CTXND1: variants seen among roughly 807,000 people sequenced by gnomAD.
CTXND1 encodes cortexin domain containing 1, also known as cortexin domain-containing 1 protein.
intron 1 of CTXND1, among the ~76,000 whole-genome samples, chr15:80,211,059 T>C (rs1893199130): frequency 6.6e-6 from 1 of 152,188 alleles, no homozygotes; most frequent in African/African-American, 2.4e-5. Flanking sequence ...GGGAACAAAA[T>C]TCGGTCCATA....
rs1324983142 is a variant in CTXND1, at chr15:80,201,280, C to G, written c.*490G>C. The stretch of plus-strand genomic sequence containing the variant: ...GAGACTCCCTCAACCCGCTTTCCCC[C>G]CTCACTGCCACACCACTGCTAGTCC... On this transcript the variant is annotated 3_prime_UTR_variant, in exon 3 of 3. Transcript: ENST00000560778. The G allele has an allele frequency of 6.5e-6, 1 of 152,864 alleles. No individual in the cohort carries two copies. The highest frequency in any genetic ancestry group is 2.4e-5 in the African/African-American group (1 of 41,466). The allele number at this position is 152,864 out of a possible 1,614,324, so 9.5% of individuals were successfully genotyped here.
chr15:80,225,039 G>A (rs557067096), intron 1 of CTXND1, among the ~76,000 whole-genome samples: 3 of 152,300 alleles, frequency 2.0e-5, no homozygotes, highest in East Asian at 1.9e-4. Context: ...CACCATGCCC[G>A]GCCTTCTGAA....
rs1361718409 is a variant in CTXND1 at position 80,198,389 on chromosome 15, C to G, written c.*3381G>C. On this transcript the variant is annotated 3_prime_UTR_variant, in exon 3 of 3. Coordinates refer to ENST00000560778, the MANE Select transcript of CTXND1 (RefSeq NM_001352888.2). ...AAGTCCTGGGTTGTGGCTACCTTCA[C>G]AGGCCTCCCATTCTCTAAATGCTTT... 6.6e-6 allele frequency: 1 copy of G among 152,264 alleles called. No individual in the cohort carries two copies. Among genetic ancestry groups the G allele is most frequent in the Non-Finnish European group, 1.5e-5 (1 of 68,056 alleles). The allele number at this position is 152,264 out of a possible 1,614,324, so 9.4% of individuals were successfully genotyped here. A position where few individuals can be genotyped will look rare whatever the true frequency, so the allele number is the denominator to read the frequency against.
chr15:80,226,532 C>T (rs1255214068), intron 1 of CTXND1, among the ~76,000 whole-genome samples: 1 of 152,180 alleles, frequency 6.6e-6, no homozygotes, highest in Non-Finnish European at 1.5e-5. Flanking sequence ...AGTCAGTCCA[C>T]TCATGAAGCC....
chr15:80,232,346 G>A (rs549625215), intron 1 of CTXND1, among the ~76,000 whole-genome samples: 1 of 152,254 alleles, frequency 6.6e-6, no homozygotes, highest in East Asian at 1.9e-4. Flanking sequence ...GATCAGACTC[G>A]TGGCCAAAGA....
chr15:80,248,385 C>T (rs183574568), intron 1 of CTXND1, among the ~76,000 whole-genome samples: 2 of 152,006 alleles, frequency 1.3e-5, no homozygotes, highest in East Asian at 1.9e-4. Flanking sequence ...GGAGACGCAG[C>T]GGAAAGGGTA....
At chr15:80,204,169 A>AAAAAATATAT (rs1555443860) in intron 1 of CTXND1, among the ~76,000 whole-genome samples, 2 of 65,186 alleles carry the variant, frequency 3.1e-5, no homozygotes, top group African/African-American at 1.5e-4. Flanking sequence ...AAAAAAAAAA[A>AAAAAATATAT]ATATATATAT....
At chr15:80,234,564 A>C (rs1324102679) in intron 1 of CTXND1, among the ~76,000 whole-genome samples, 1 of 145,878 alleles carries the variant, frequency 6.9e-6, no homozygotes, top group Admixed American at 7.0e-5. Flanking sequence ...TGCAACGTCT[A>C]CCTCCCGGGT....
Position 80,198,766 on chromosome 15 carries a change from T to C in CTXND1, c.*3004A>G, listed in dbSNP as rs2041433750. On this transcript the variant is annotated 3_prime_UTR_variant, in exon 3 of 3. Transcript: ENST00000560778. ...ATCATATCTATCTTGATCTTTCTTT[T>C]TTTGCTTGGAACATGTACAACAGGG... 6.6e-6 allele frequency: 1 copy of C among 152,224 alleles called. No individual in the cohort carries two copies. Among genetic ancestry groups the C allele is most frequent in the Non-Finnish European group, 1.5e-5 (1 of 68,036 alleles). The allele number at this position is 152,224 out of a possible 1,614,324, so 9.4% of individuals were successfully genotyped here.
intron 1 of CTXND1, among the ~76,000 whole-genome samples, chr15:80,206,235 T>C (rs1893146203): frequency 6.6e-6 from 1 of 152,260 alleles, no homozygotes; most frequent in Non-Finnish European, 1.5e-5. Flanking sequence ...AATATTTGTT[T>C]ACAGATTTCT....
At chr15:80,251,188 G>A (rs1450110535) in intron 1 of CTXND1, among the ~76,000 whole-genome samples, 10 of 152,120 alleles carry the variant, frequency 6.6e-5, no homozygotes, top group Admixed American at 6.5e-4. Context: ...CTGGTGAGGC[G>A]GTGCATCAGC....
intron 1 of CTXND1, among the ~76,000 whole-genome samples, chr15:80,240,523 C>T (rs192627522): frequency 2.0e-5 from 3 of 152,314 alleles, no homozygotes; most frequent in Admixed American, 1.3e-4. Flanking sequence ...CCCCCACCAC[C>T]CAACAAATAA....
At position 80,195,714 on chromosome 15, in the gene CTXND1, G is replaced by A. The variant is rs1421755854; in HGVS notation, c.*6056C>T. ...CTCATGGCCTAATCACCTCTCATTG[G>A]GCCCCAGATCTCAACACTGTTGCAA... On this transcript the variant is annotated 3_prime_UTR_variant, in exon 3 of 3. Coordinates refer to ENST00000560778, the MANE Select transcript of CTXND1 (RefSeq NM_001352888.2). The A allele has an allele frequency of 6.6e-6, 1 of 152,090 alleles. No individual in the cohort carries two copies. Among genetic ancestry groups the A allele is most frequent in the Non-Finnish European group, 1.5e-5 (1 of 68,020 alleles). 9.4% of individuals were successfully genotyped at this position (152,090 alleles called of 1,614,324 possible). A position where few individuals can be genotyped will look rare whatever the true frequency, so the allele number is the denominator to read the frequency against.
At chr15:80,250,882 T>C (rs1893685488) in intron 1 of CTXND1, among the ~76,000 whole-genome samples, 1 of 152,194 alleles carries the variant, frequency 6.6e-6, no homozygotes, top group Non-Finnish European at 1.5e-5. Flanking sequence ...TCTCAAGATG[T>C]GGCTTAATGA....
chr15:80,225,691 T>C (rs2142132431), intron 1 of CTXND1, among the ~76,000 whole-genome samples: 1 of 152,332 alleles, frequency 6.6e-6, no homozygotes, highest in African/African-American at 2.4e-5. Context: ...TTCAAGGATT[T>C]TTTCCTTTCT....
At chr15:80,204,122 G>T (rs1054322643) in intron 1 of CTXND1, among the ~76,000 whole-genome samples, 1 of 116,142 alleles carries the variant, frequency 8.6e-6, no homozygotes, top group African/African-American at 3.4e-5. Context: ...ACTCCAGCCT[G>T]GGCGACAGAG....
Position 80,201,869 on chromosome 15 carries a change from G to GAGGCAGAGGAAGACGAAGC in CTXND1, c.62_80dup (p.Phe28LeufsTer75). The GAGGCAGAGGAAGACGAAGC allele has an allele frequency of 2.5e-6, 1 of 398,918 alleles. No individual in the cohort carries two copies. The highest frequency in any genetic ancestry group is 4.4e-6 in the Non-Finnish European group (1 of 226,174). 24.7% of individuals were successfully genotyped at this position (398,918 alleles called of 1,614,324 possible). A position where few individuals can be genotyped will look rare whatever the true frequency, so the allele number is the denominator to read the frequency against. On this transcript the variant is annotated frameshift_variant, in exon 3 of 3. Coordinates refer to ENST00000560778, the MANE Select transcript of CTXND1 (RefSeq NM_001352888.2). LOFTEE classifies it high-confidence loss of function. ...AGCGGATGATCATCACGACAAGGAAGAGGCAGAGGAAGACGAAGCAGGCCA... is the reference window on the plus strand; with the variant it reads ...AGCGGATGATCATCACGACAAGGAAGAGGCAGAGGAAGACGAAGCAGGCAGAGGAAGACGAAGCAGGCCA...
chr15:80,204,205 A>AC (rs1275705357), intron 1 of CTXND1, among the ~76,000 whole-genome samples: 1 of 39,690 alleles, frequency 2.5e-5, no homozygotes, highest in African/African-American at 1.2e-4. Flanking sequence ...TATATACACA[A>AC]ACACATACAC....
At chr15:80,227,812 G>A (rs1278931738) in intron 1 of CTXND1, among the ~76,000 whole-genome samples, 3 of 152,174 alleles carry the variant, frequency 2.0e-5, no homozygotes, top group East Asian at 1.9e-4. Flanking sequence ...TCAGGGTGGC[G>A]GTTACTGAAG....
Sources: gnomAD v4.1 joint callset for allele counts (sites outside exome capture counted in the v4.1 genomes callset) on GRCh38, gnomAD v4.1.1 for gene constraint, MANE v1.5 for transcripts, NCBI Gene and HGNC (gene_info 2026-07-23, HGNC 2026-07-21) for gene names.